Variants in ACER3 observed in about 807,000 individuals in gnomAD.
ACER3 encodes alkCDase 3.
ACER3 carries 16 observed loss-of-function variants against 48.9 expected under a neutral mutation model. The ratio of observed to expected loss-of-function variants is 0.33; its 90% CI spans 0.22 to 0.50. The LOEUF is 0.50. ACER3 is among the 20% of genes least tolerant of loss of function. The probability of loss-of-function intolerance (pLI) is 0.98; values close to 1 mark genes in which losing one functional copy is unlikely to be tolerated. For missense variants in ACER3, 227 were observed against 326.0 expected, an observed-to-expected ratio of 0.70 and a Z score of 2.34; for synonymous variants, 109 against 107.8, an observed-to-expected ratio of 1.01 and a Z score of -0.07.
intron 1 of ACER3, among the ~76,000 whole-genome samples, chr11:76,873,788 A>G (rs1945301537): frequency 6.6e-6 from 1 of 152,082 alleles, no homozygotes; most frequent in African/African-American, 2.4e-5. Flanking sequence ...TGGTGTGTGT[A>G]TGTGTAAATA....
intron 2 of ACER3, among the ~76,000 whole-genome samples, chr11:76,951,633 G>C (rs557280400): frequency 6.6e-6 from 1 of 152,152 alleles, no homozygotes; most frequent in East Asian, 1.9e-4. Flanking sequence ...CTATTCTTCT[G>C]CCCTATTTCT....
chr11:77,016,088 C>A (rs1229391711), intron 8 of ACER3, among the ~76,000 whole-genome samples: 3 of 124,774 alleles, frequency 2.4e-5, no homozygotes, highest in African/African-American at 9.4e-5. Context: ...GCCTGGGCGA[C>A]AGAGCAAGAC....
At chr11:76,979,481 G>C (rs930964052) in intron 4 of ACER3, among the ~76,000 whole-genome samples, 1 of 152,092 alleles carries the variant, frequency 6.6e-6, no homozygotes. Context: ...GTGAAAACCT[G>C]TCTCTGCTAA....
At chr11:76,917,862 A>AG (rs200301558) in intron 1 of ACER3, among the ~76,000 whole-genome samples, 7,743 of 144,366 alleles carry the variant, frequency 0.054, 649 homozygotes, top group African/African-American at 0.19. Context: ...CCTGTCTCAA[A>AG]AAAAAAAAAA....
chr11:76,915,264 C>T (rs937643245), intron 1 of ACER3, among the ~76,000 whole-genome samples: 2 of 151,812 alleles, frequency 1.3e-5, no homozygotes, highest in Non-Finnish European at 2.9e-5. Context: ...GGCCCTTTTA[C>T]CTTGATCCTA....
intron 1 of ACER3, among the ~76,000 whole-genome samples, chr11:76,882,003 CTTTT>C (rs33962456): frequency 1.5e-4 from 16 of 110,024 alleles, no homozygotes; most frequent in Non-Finnish European, 2.2e-4. Flanking sequence ...TGTAAAAAAT[CTTTT>C]TTTTTTTTTT....
At chr11:76,905,002 C>G (rs924478586) in intron 1 of ACER3, among the ~76,000 whole-genome samples, 1 of 152,118 alleles carries the variant, frequency 6.6e-6, no homozygotes, top group African/African-American at 2.4e-5. Flanking sequence ...CAGGTACATG[C>G]CACCATGCCC....
intron 1 of ACER3, among the ~76,000 whole-genome samples, chr11:76,919,402 C>T (rs1276808898): frequency 1.3e-5 from 2 of 152,024 alleles, no homozygotes; most frequent in Non-Finnish European, 2.9e-5. Context: ...TTTGAGTTTC[C>T]GTTTACCTTG....
At chr11:76,958,333 C>T (rs1198445231) in intron 2 of ACER3, among the ~76,000 whole-genome samples, 1 of 151,460 alleles carries the variant, frequency 6.6e-6, no homozygotes, top group Non-Finnish European at 1.5e-5. Flanking sequence ...ATTACGGGGG[C>T]CTGCCACCAT....
intron 7 of ACER3, 22 bp from the exon 8 acceptor site, chr11:77,014,994 T>A: frequency 7.0e-7 from 1 of 1,419,918 alleles, no homozygotes; most frequent in Middle Eastern, 1.8e-4. Context: ...TTTATTTTGC[T>A]TTTCTGTTTT....
At chr11:76,865,853 G>T (rs1200979133) in intron 1 of ACER3, among the ~76,000 whole-genome samples, 3 of 145,000 alleles carry the variant, frequency 2.1e-5, no homozygotes, top group Non-Finnish European at 4.5e-5. Context: ...GTCTCATTCT[G>T]TCGCCCAGGC....
Position 76,960,302 on chromosome 11 carries a change from G to A in ACER3, c.267+1271G>A, listed in dbSNP as rs1047049860. The stretch of plus-strand genomic sequence containing the variant: ...TGTGCACCTGTAATCCCAGCTACCC[G>A]GGAAGCTGAGACAGGAGAATCTCTT... On this transcript the variant is annotated intron_variant, in intron 3 of 10. Coordinates refer to ENST00000532485, the MANE Select transcript of ACER3 (RefSeq NM_018367.7). Among the ~76,000 whole-genome samples, 8 of 151,860 alleles carry A rather than the reference G, an allele frequency of 5.3e-5. 1 individual carries two copies. The South Asian group carries it at 6.2e-4, about 12-fold the overall frequency.
At chr11:76,929,167 C>G (rs4468369) in intron 2 of ACER3, among the ~76,000 whole-genome samples, 86,934 of 151,878 alleles carry the variant, frequency 0.57, 28,064 homozygotes, top group Non-Finnish European at 0.74. Context: ...TCCTTGAAGA[C>G]GTCCTTCACA....
At chr11:76,900,783 C>T (rs1307046199) in intron 1 of ACER3, among the ~76,000 whole-genome samples, 1 of 152,228 alleles carries the variant, frequency 6.6e-6, no homozygotes, top group East Asian at 1.9e-4. Flanking sequence ...GCACTCATTT[C>T]CATCAAGCCA....
At chr11:76,880,156 A>G (rs1590873171) in intron 1 of ACER3, among the ~76,000 whole-genome samples, 1 of 152,042 alleles carries the variant, frequency 6.6e-6, no homozygotes, top group East Asian at 1.9e-4. Context: ...AATTTTCTCT[A>G]TTCTTATTCT....
At chr11:76,938,358 A>G (rs1490970185) in intron 2 of ACER3, among the ~76,000 whole-genome samples, 1 of 152,092 alleles carries the variant, frequency 6.6e-6, no homozygotes, top group Non-Finnish European at 1.5e-5. Context: ...TTGCTCTGTC[A>G]CCTAGGCTGG....
intron 1 of ACER3, among the ~76,000 whole-genome samples, chr11:76,898,159 A>G (rs1945982777): frequency 6.6e-6 from 1 of 152,202 alleles, no homozygotes. Context: ...TTGTGCCATT[A>G]ATGTAAATGT....
At chr11:76,895,462 G>C (rs1019235944) in intron 1 of ACER3, among the ~76,000 whole-genome samples, 24 of 152,122 alleles carry the variant, frequency 1.6e-4, no homozygotes, top group African/African-American at 5.8e-4. Context: ...GTATTCTCTG[G>C]TACCAGGAAG....
intron 2 of ACER3, among the ~76,000 whole-genome samples, chr11:76,941,403 T>C (rs1947339913): frequency 6.6e-6 from 1 of 152,180 alleles, no homozygotes; most frequent in African/African-American, 2.4e-5. Flanking sequence ...GTGCTAGTTA[T>C]AATTCTCAAA....
Sources: gnomAD v4.1 joint callset for allele counts (sites outside exome capture counted in the v4.1 genomes callset) on GRCh38, gnomAD v4.1.1 for gene constraint, MANE v1.5 for transcripts, NCBI Gene and HGNC (gene_info 2026-07-23, HGNC 2026-07-21) for gene names.